The following IGFL2 variants were observed in gnomAD, a reference collection of about 807,000 sequenced individuals.
IGFL2 encodes IGF like family member 2, also known as insulin growth factor-like family member 2.
Under a neutral mutation model 13.9 loss-of-function variants are expected in IGFL2, and 7 were observed. That is an observed-to-expected ratio of 0.51 (90% CI 0.29 to 0.95). The LOEUF (loss-of-function observed/expected upper bound fraction) is 0.95, where lower values mean the gene tolerates loss of function less well. IGFL2 is among the 40% of genes least tolerant of loss of function. The probability of loss-of-function intolerance (pLI) is 0.08; values close to 1 mark genes in which losing one functional copy is unlikely to be tolerated. For missense variants in IGFL2, 138 were observed against 147.8 expected, an observed-to-expected ratio of 0.93 and a Z score of 0.34; for synonymous variants, 55 against 55.8, an observed-to-expected ratio of 0.99 and a Z score of 0.07.
upstream of IGFL2, among the ~76,000 whole-genome samples, chr19:46,142,586 A>C (rs1474741943): frequency 6.6e-6 from 1 of 152,384 alleles, no homozygotes; most frequent in South Asian, 2.1e-4. Flanking sequence ...TTATCTATCT[A>C]TGTTTAAATT....
At chr19:46,127,765 C>T in the IGFL2 span, among the ~76,000 whole-genome samples, 3 of 151,980 alleles carry the variant, frequency 2.0e-5, no homozygotes, top group African/African-American at 7.3e-5. Flanking sequence ...ACTAATTTTA[C>T]TTTTTTAAAA....
chr19:46,116,187 C>T, the IGFL2 span, among the ~76,000 whole-genome samples: 3 of 152,088 alleles, frequency 2.0e-5, no homozygotes, highest in East Asian at 5.8e-4. Context: ...CCCATTAACT[C>T]GTAATTTACA....
At chr19:46,110,807 C>T in the IGFL2 span, among the ~76,000 whole-genome samples, 6 of 152,118 alleles carry the variant, frequency 3.9e-5, no homozygotes, top group South Asian at 4.1e-4. Flanking sequence ...CAAGATGATA[C>T]GATACATCAT....
chr19:46,190,915 G>T, the IGFL2 span, among the ~76,000 whole-genome samples: 1 of 152,184 alleles, frequency 6.6e-6, no homozygotes, highest in Non-Finnish European at 1.5e-5. Context: ...CGGGAGTCCC[G>T]CTGAGTCATC....
the IGFL2 span, among the ~76,000 whole-genome samples, chr19:46,083,151 A>C: frequency 6.6e-5 from 10 of 152,336 alleles, no homozygotes. Context: ...AACTGAGTGC[A>C]TCATAAACAA....
chr19:46,201,597 A>T, the IGFL2 span, among the ~76,000 whole-genome samples: 3 of 152,150 alleles, frequency 2.0e-5, no homozygotes, highest in Non-Finnish European at 4.4e-5. Context: ...GTGATGGCAC[A>T]TGGCCCGCTA....
the IGFL2 span, chr19:46,214,299 G>A: frequency 1.3e-5 from 2 of 152,164 alleles, no homozygotes; most frequent in Non-Finnish European, 2.9e-5. Context: ...GGCACCTGGC[G>A]TCTCCTCAAA....
chr19:46,190,535 A>G, the IGFL2 span: 1 of 152,256 alleles, frequency 6.6e-6, no homozygotes, highest in Non-Finnish European at 1.5e-5. Flanking sequence ...AGTCAAGGGA[A>G]TGGGGACATG....
chr19:46,171,487 G>T, the IGFL2 span, among the ~76,000 whole-genome samples: 1 of 152,170 alleles, frequency 6.6e-6, no homozygotes, highest in Non-Finnish European at 1.5e-5. Context: ...ACCATTCATG[G>T]AATGACATGG....
At chr19:46,142,656 A>G (rs1972909855), upstream of IGFL2, among the ~76,000 whole-genome samples, 1 of 152,232 alleles carries the variant, frequency 6.6e-6, no homozygotes, top group South Asian at 2.1e-4. Context: ...GGTGGCTGAC[A>G]GATATTATTA....
chr19:46,209,088 T>C, the IGFL2 span: 73 of 142,618 alleles, frequency 5.1e-4, no homozygotes, highest in African/African-American at 1.7e-3. Flanking sequence ...GAGGGGTCTG[T>C]GTCCTCCCCA....
the IGFL2 span, among the ~76,000 whole-genome samples, chr19:46,091,719 A>C: frequency 1.3e-5 from 2 of 152,232 alleles, no homozygotes; most frequent in Admixed American, 1.3e-4. Context: ...AGCAGCTACA[A>C]GAGCTGAAAG....
chr19:46,201,177 C>T, the IGFL2 span, among the ~76,000 whole-genome samples: 1 of 152,156 alleles, frequency 6.6e-6, no homozygotes, highest in Non-Finnish European at 1.5e-5. Context: ...GCACCATTAC[C>T]CAGCTCCAGA....
chr19:46,145,763 G>A (rs150636662), upstream of IGFL2, among the ~76,000 whole-genome samples: 407 of 151,984 alleles, frequency 2.7e-3, 2 homozygotes, highest in African/African-American at 9.3e-3. Flanking sequence ...CTTTTCATGT[G>A]CTTATTTGCT....
the IGFL2 span, among the ~76,000 whole-genome samples, chr19:46,201,577 T>C: frequency 6.6e-6 from 1 of 152,172 alleles, no homozygotes; most frequent in East Asian, 1.9e-4. Flanking sequence ...GAGGACAATC[T>C]GTGTTCCCAG....
the IGFL2 span, chr19:46,209,413 TG>T: frequency 1.3e-5 from 2 of 152,234 alleles, no homozygotes; most frequent in Non-Finnish European, 2.9e-5. Flanking sequence ...GCCCACCTTT[TG>T]TCCCCTTAGC....
intron 1 of IGFL2, among the ~76,000 whole-genome samples, chr19:46,150,408 C>T (rs1328725262): frequency 6.6e-5 from 10 of 151,986 alleles, no homozygotes; most frequent in Non-Finnish European, 1.5e-4. Flanking sequence ...CTCTCTTGTG[C>T]TTTTGGTGTA....
the IGFL2 span, among the ~76,000 whole-genome samples, chr19:46,177,889 A>C: frequency 6.6e-6 from 1 of 152,124 alleles, no homozygotes; most frequent in Non-Finnish European, 1.5e-5. Flanking sequence ...TGAAAAACTA[A>C]ATTCCAGGCC....
the IGFL2 span, chr19:46,194,973 C>T: frequency 6.9e-6 from 1 of 145,626 alleles, no homozygotes; most frequent in Non-Finnish European, 1.5e-5. Flanking sequence ...CTTTGGCCTC[C>T]AAAGGGGTTG....
Sources: gnomAD v4.1 joint callset for allele counts (sites outside exome capture counted in the v4.1 genomes callset) on GRCh38, gnomAD v4.1.1 for gene constraint, MANE v1.5 for transcripts, NCBI Gene and HGNC (gene_info 2026-07-23, HGNC 2026-07-21) for gene names.